NDRG1: variants seen among roughly 807,000 people sequenced by gnomAD.
NDRG1 encodes protein NDRG1.
NDRG1 carries 32 observed loss-of-function variants against 56.9 expected under a neutral mutation model. The ratio of observed to expected loss-of-function variants is 0.56; its 90% CI spans 0.42 to 0.76. NDRG1 has a LOEUF of 0.76. Ranked by LOEUF, NDRG1 falls within the 30% of genes least tolerant of loss-of-function variation. NDRG1 has a pLI of 0.00. For missense variants in NDRG1, 507 were observed against 545.7 expected (o/e 0.93, Z 0.71); for synonymous variants, 211 against 204.1 (o/e 1.03, Z -0.29).
chr8:133,243,773 T>A (rs1052496711), intron 14 of NDRG1, among the ~76,000 whole-genome samples: 6 of 152,188 alleles, frequency 3.9e-5, no homozygotes, highest in Non-Finnish European at 7.4e-5. Flanking sequence ...TGTCAGGATA[T>A]AAAATTATAA....
chr8:133,256,075 T>A (rs1485272131), intron 8 of NDRG1: 3 of 152,866 alleles, frequency 2.0e-5, no homozygotes, highest in Non-Finnish European at 4.4e-5. Flanking sequence ...GCACGGGTGG[T>A]CAGGTCCACG....
At chr8:133,264,786 G>C (rs1445406048) in intron 3 of NDRG1, 134 bp from the exon 4 acceptor site, 3 of 758,380 alleles carry the variant, frequency 4.0e-6, no homozygotes, top group Non-Finnish European at 6.9e-6. Flanking sequence ...CCCCGGCTTC[G>C]GGCAGCAGCT....
At chr8:133,291,302 T>C (rs746407216) in intron 1 of NDRG1, among the ~76,000 whole-genome samples, 14 of 152,316 alleles carry the variant, frequency 9.2e-5, no homozygotes, top group African/African-American at 3.1e-4. Flanking sequence ...CTGTGGCTGT[T>C]TGCTGTAGCA....
intron 3 of NDRG1, among the ~76,000 whole-genome samples, chr8:133,279,742 C>G (rs907191471): frequency 6.6e-6 from 1 of 152,210 alleles, no homozygotes; most frequent in Admixed American, 6.5e-5. Flanking sequence ...AGCCCGTTCT[C>G]CTGAGAGCCT....
chr8:133,243,613 C>T (rs1855502499), intron 14 of NDRG1, among the ~76,000 whole-genome samples: 2 of 152,100 alleles, frequency 1.3e-5, no homozygotes, highest in Admixed American at 6.6e-5. Flanking sequence ...TCCTCTGAAG[C>T]TCTGAAAATT....
chr8:133,273,084 G>A (rs964151827), intron 3 of NDRG1, among the ~76,000 whole-genome samples: 9 of 152,158 alleles, frequency 5.9e-5, no homozygotes, highest in Admixed American at 3.3e-4. Context: ...GCCCGGCCCT[G>A]GTGCTGCCCC....
intron 2 of NDRG1, among the ~76,000 whole-genome samples, chr8:133,283,331 A>G (rs1857921895): frequency 6.6e-6 from 1 of 152,256 alleles, no homozygotes; most frequent in Non-Finnish European, 1.5e-5. Context: ...GACTAACTTC[A>G]CTTTTGGACC....
At chr8:133,287,697 G>A (rs1858194764) in intron 1 of NDRG1, among the ~76,000 whole-genome samples, 1 of 152,208 alleles carries the variant, frequency 6.6e-6, no homozygotes, top group Non-Finnish European at 1.5e-5. Context: ...AGCAGCCTCT[G>A]CCTTAGGGGC....
Position 133,238,857 on chromosome 8 carries a change from G to C in NDRG1, c.*21C>G. On this transcript the variant is annotated 3_prime_UTR_variant, in exon 16 of 16. Transcript: ENST00000323851. Reference sequence around the variant, plus strand: ...GCCACTACAGAGATCAGAGTCCGGGGGCGGCAGCTGGGCAGGCCGCCTAGC... The same window carrying C: ...GCCACTACAGAGATCAGAGTCCGGGCGCGGCAGCTGGGCAGGCCGCCTAGC... 6.5e-7 allele frequency: 1 copy of C among 1,546,364 alleles called. No homozygotes were observed. Among genetic ancestry groups the C allele is most frequent in the Non-Finnish European group, 8.7e-7 (1 of 1,148,046 alleles).
intron 9 of NDRG1, among the ~76,000 whole-genome samples, chr8:133,253,808 C>T (rs1333851124): frequency 6.6e-6 from 1 of 152,230 alleles, no homozygotes; most frequent in African/African-American, 2.4e-5. Flanking sequence ...AAGCAATCCT[C>T]CTGCCTCAGC....
chr8:133,250,431 T>C lies in NDRG1; in HGVS notation c.698+9A>G, dbSNP rs754728870. ...ATAGCAATGATGTGGCTGAACTACA[T>C]CCCAATACCTGTTGTAGGCATTGAT... On this transcript the variant is annotated intron_variant, in intron 10 of 15. Coordinates refer to ENST00000323851, the MANE Select transcript of NDRG1 (RefSeq NM_006096.4). The C allele has an allele frequency of 3.7e-5, 60 of 1,608,442 alleles. No individual in the cohort carries two copies. The highest frequency in any genetic ancestry group is 1.6e-4 in the Middle Eastern group (1 of 6,072).
intron 1 of NDRG1, among the ~76,000 whole-genome samples, chr8:133,291,099 T>C (rs1858404229): frequency 6.6e-6 from 1 of 152,142 alleles, no homozygotes; most frequent in African/African-American, 2.4e-5. Flanking sequence ...AGGCCTTCAG[T>C]GAAGCAGATA....
intron 3 of NDRG1, among the ~76,000 whole-genome samples, chr8:133,270,050 G>A (rs772013155): frequency 2.6e-5 from 4 of 152,194 alleles, no homozygotes; most frequent in Non-Finnish European, 5.9e-5. Context: ...TTTGCAGCAC[G>A]ACCACAATTA....
rs1373389480 is a variant in NDRG1 at position 133,296,690 on chromosome 8, CACAG to C, written c.-19+440_-19+443del. 4.3e-4 allele frequency: 144 copies of C among 331,778 alleles called. 1 individual carries two copies. The highest frequency in any genetic ancestry group is 1.9e-3 in the Middle Eastern group (2 of 1,062). 20.6% of individuals were successfully genotyped at this position (331,778 alleles called of 1,614,324 possible). ...CGCGCGCAATCTCTCCGTTCCCAGA[CACAG>C]ACACACACACACACACACACACACA... On this transcript the variant is annotated intron_variant, in intron 1 of 15. Coordinates refer to ENST00000323851, the MANE Select transcript of NDRG1 (RefSeq NM_006096.4).
At chr8:133,283,926 C>G (rs1304830900) in intron 2 of NDRG1, among the ~76,000 whole-genome samples, 1 of 152,226 alleles carries the variant, frequency 6.6e-6, no homozygotes, top group Non-Finnish European at 1.5e-5. Context: ...GGTTCGATGT[C>G]TTCACTTTAC....
chr8:133,296,525 T>C (rs1016965074), intron 1 of NDRG1: 22 of 455,844 alleles, frequency 4.8e-5, no homozygotes, highest in African/African-American at 4.4e-4. Flanking sequence ...GCCCTGTGTG[T>C]GCTACGGGAC....
intron 1 of NDRG1, among the ~76,000 whole-genome samples, chr8:133,294,900 C>T (rs985074921): frequency 2.0e-5 from 3 of 152,226 alleles, no homozygotes; most frequent in African/African-American, 7.2e-5. Context: ...CTGCCAGGAA[C>T]CCTTTCCACT....
chr8:133,259,943 G>A (rs557163529), intron 5 of NDRG1, among the ~76,000 whole-genome samples: 2 of 152,336 alleles, frequency 1.3e-5, no homozygotes, highest in South Asian at 2.1e-4. Context: ...TAAAGCGTGT[G>A]GGCAGGGAAG....
rs553584601 is a variant in NDRG1, at chr8:133,248,633, A to C, written c.755+82T>G. 2.2e-5 allele frequency: 33 copies of C among 1,497,200 alleles called. No homozygotes were observed. The South Asian group carries it at 3.4e-4, about 15-fold the overall frequency. 92.7% of individuals were successfully genotyped at this position (1,497,200 alleles called of 1,614,324 possible). ...ACTGACACAATGTCCTGCCACACTC[A>C]GAAAGAAGGCCCTGCCAGCAAGGCC... is the stretch of plus-strand genomic sequence containing the variant. On this transcript the variant is annotated intron_variant, in intron 11 of 15. Coordinates refer to ENST00000323851, the MANE Select transcript of NDRG1 (RefSeq NM_006096.4).
Sources: gnomAD v4.1 joint callset for allele counts (sites outside exome capture counted in the v4.1 genomes callset) on GRCh38, gnomAD v4.1.1 for gene constraint, MANE v1.5 for transcripts, NCBI Gene and HGNC (gene_info 2026-07-23, HGNC 2026-07-21) for gene names.